Variants in PPM1L observed in about 807,000 individuals in gnomAD.
PPM1L encodes protein phosphatase 1L.
Under a neutral mutation model 31.4 loss-of-function variants are expected in PPM1L, and 13 were observed. The observed-to-expected ratio is 0.41, with a 90% CI of 0.27 to 0.66. The LOEUF (loss-of-function observed/expected upper bound fraction) is 0.66. Among genes scored for constraint, PPM1L ranks in the 30% least tolerant of loss-of-function variants. PPM1L has a pLI of 0.29. For synonymous variants in PPM1L, 184 were observed against 175.4 expected (o/e 1.05, Z -0.39); for missense variants, 326 against 453.7 (o/e 0.72, Z 2.56).
At chr3:161,053,254 TTA>T (rs2108100243) in intron 2 of PPM1L, among the ~76,000 whole-genome samples, 1 of 152,318 alleles carries the variant, frequency 6.6e-6, no homozygotes, top group East Asian at 1.9e-4. Context: ...CCAGCAATAG[TTA>T]TGAGAAGTAT....
At chr3:160,962,094 T>C (rs1715985489) in intron 2 of PPM1L, among the ~76,000 whole-genome samples, 184 bp downstream of exon 2, 1 of 152,110 alleles carries the variant, frequency 6.6e-6, no homozygotes, top group Admixed American at 6.5e-5. Context: ...AAAATGGATC[T>C]TAAATATCAA....
intron 2 of PPM1L, among the ~76,000 whole-genome samples, chr3:160,963,828 C>G (rs1716048648): frequency 6.6e-6 from 1 of 151,980 alleles, no homozygotes; most frequent in Non-Finnish European, 1.5e-5. Flanking sequence ...TTGCACATGG[C>G]TTTTAGGGGC....
chr3:161,006,846 C>A (rs937023242), intron 2 of PPM1L, among the ~76,000 whole-genome samples: 6 of 152,100 alleles, frequency 3.9e-5, no homozygotes, highest in Non-Finnish European at 7.4e-5. Context: ...CCACGCCCAG[C>A]TAATTTTTTG....
At chr3:160,792,790 C>T (rs542557467) in intron 1 of PPM1L, among the ~76,000 whole-genome samples, 10 of 152,288 alleles carry the variant, frequency 6.6e-5, no homozygotes, top group African/African-American at 2.4e-4. Context: ...CTTATGATTA[C>T]AGTTTTATTA....
chr3:160,949,595 A>T lies in PPM1L; in HGVS notation c.400-12141A>T, dbSNP rs1715511576. On this transcript the variant is annotated intron_variant, in intron 1 of 3. Transcript: ENST00000498165. Reference sequence around the variant, plus strand: ...TTGTGGTCATGTAGAGTTCTCACTCATAGGACATTAAGCCTGGTTTTAAAG... The same window carrying T: ...TTGTGGTCATGTAGAGTTCTCACTCTTAGGACATTAAGCCTGGTTTTAAAG... 3.3e-5 allele frequency among the ~76,000 whole-genome samples: 5 copies of T among 152,180 alleles called. 1 individual carries two copies. In the South Asian group the frequency reaches 1.0e-3, roughly 31 times the overall value.
At chr3:160,883,671 G>T (rs1324062443) in intron 1 of PPM1L, among the ~76,000 whole-genome samples, 1 of 151,952 alleles carries the variant, frequency 6.6e-6, no homozygotes, top group African/African-American at 2.4e-5. Context: ...TGTGGCACAG[G>T]ACATGGGGCG....
At chr3:160,972,443 T>C (rs1716380914) in intron 2 of PPM1L, among the ~76,000 whole-genome samples, 2 of 148,848 alleles carry the variant, frequency 1.3e-5, no homozygotes, top group Middle Eastern at 3.4e-3. Context: ...AGTGAGAACA[T>C]GAGGTGTTTG....
intron 1 of PPM1L, among the ~76,000 whole-genome samples, chr3:160,953,728 C>T (rs78184597): frequency 0.014 from 2,148 of 152,176 alleles, 46 homozygotes; most frequent in African/African-American, 0.048. Context: ...GAGGGGTCAT[C>T]GTGATGGTGG....
chr3:160,848,129 A>G (rs866161895), intron 1 of PPM1L, among the ~76,000 whole-genome samples: 1 of 152,250 alleles, frequency 6.6e-6, no homozygotes, highest in South Asian at 2.1e-4. Context: ...CACATAGTAC[A>G]TATTTAATAA....
intron 1 of PPM1L, among the ~76,000 whole-genome samples, chr3:160,933,485 G>A (rs757446044): frequency 6.6e-6 from 1 of 152,110 alleles, no homozygotes; most frequent in Non-Finnish European, 1.5e-5. Context: ...CTTGTTTGTT[G>A]CATTTCTTGT....
At chr3:160,844,809 A>G (rs910672504) in intron 1 of PPM1L, among the ~76,000 whole-genome samples, 1 of 152,094 alleles carries the variant, frequency 6.6e-6, no homozygotes, top group African/African-American at 2.4e-5. Flanking sequence ...AGTTAGGTTC[A>G]CAGAGTTGTG....
chr3:160,902,085 G>A (rs1464769071), intron 1 of PPM1L, among the ~76,000 whole-genome samples: 1 of 152,034 alleles, frequency 6.6e-6, no homozygotes, highest in Non-Finnish European at 1.5e-5. Context: ...AAATAGAAAT[G>A]CATAAAATGT....
chr3:160,858,531 T>C (rs935740789), intron 1 of PPM1L, among the ~76,000 whole-genome samples: 1 of 152,194 alleles, frequency 6.6e-6, no homozygotes, highest in Non-Finnish European at 1.5e-5. Flanking sequence ...TCACTTCAAG[T>C]GCAGTGAATC....
intron 1 of PPM1L, among the ~76,000 whole-genome samples, chr3:160,835,061 C>CTTCTTCTTCTTCTTCTTT (rs1560120462): frequency 1.7e-4 from 25 of 143,038 alleles, no homozygotes; most frequent in African/African-American, 7.2e-4. Context: ...TCTTCTTCTT[C>CTTCTTCTTCTTCTTCTTT]TTCTTCTTCT....
intron 2 of PPM1L, among the ~76,000 whole-genome samples, chr3:161,034,811 C>G (rs1233456885): frequency 3.3e-5 from 5 of 151,190 alleles, no homozygotes; most frequent in Non-Finnish European, 5.9e-5. Flanking sequence ...TGTAACAAAC[C>G]TGCATGTTCT....
chr3:160,795,688 C>T (rs1712225909), intron 1 of PPM1L, among the ~76,000 whole-genome samples: 1 of 152,128 alleles, frequency 6.6e-6, no homozygotes, highest in African/African-American at 2.4e-5. Context: ...TATCTTGATA[C>T]AATATCGAAC....
intron 1 of PPM1L, among the ~76,000 whole-genome samples, chr3:160,803,904 A>G (rs1320334581): frequency 6.6e-6 from 1 of 152,038 alleles, no homozygotes; most frequent in South Asian, 2.1e-4. Flanking sequence ...AGATTATTAA[A>G]TGTAATTTAT....
chr3:160,904,703 C>T (rs1006290719), intron 1 of PPM1L, among the ~76,000 whole-genome samples: 2 of 146,268 alleles, frequency 1.4e-5, no homozygotes, highest in African/African-American at 5.1e-5. Context: ...TTATCATAGG[C>T]ACATTATATT....
chr3:160,861,732 G>A (rs1711897668), intron 1 of PPM1L, among the ~76,000 whole-genome samples: 1 of 152,208 alleles, frequency 6.6e-6, no homozygotes, highest in South Asian at 2.1e-4. Flanking sequence ...TCAGATATCT[G>A]AAAATGGGTG....
Sources: gnomAD v4.1 joint callset for allele counts (sites outside exome capture counted in the v4.1 genomes callset) on GRCh38, gnomAD v4.1.1 for gene constraint, MANE v1.5 for transcripts, NCBI Gene and HGNC (gene_info 2026-07-23, HGNC 2026-07-21) for gene names.